The following PTPN4 variants were observed in gnomAD, a reference collection of about 807,000 sequenced individuals.
PTPN4 encodes the protein tyrosine-protein phosphatase non-receptor type 4.
A neutral mutation model predicts 135.5 loss-of-function variants in PTPN4; 49 were observed. The ratio of observed to expected loss-of-function variants is 0.36; its 90% CI spans 0.29 to 0.46. The LOEUF (loss-of-function observed/expected upper bound fraction) is 0.46. Ranked by LOEUF, PTPN4 falls within the 20% of genes least tolerant of loss-of-function variation. The pLI is 1.00. For missense variants in PTPN4, 860 were observed against 1,101.0 expected (o/e 0.78, Z 3.10); for synonymous variants, 333 against 369.9 (o/e 0.90, Z 1.14).
chr2:119,944,150 G>C (rs1482523711), intron 15 of PTPN4, among the ~76,000 whole-genome samples: 2 of 152,172 alleles, frequency 1.3e-5, no homozygotes, highest in African/African-American at 2.4e-5. Flanking sequence ...GCAGCCATGT[G>C]GCTTGACACA....
At chr2:119,831,785 T>C (rs1470805133) in intron 2 of PTPN4, among the ~76,000 whole-genome samples, 1 of 152,230 alleles carries the variant, frequency 6.6e-6, no homozygotes, top group Admixed American at 6.5e-5. Context: ...GGTCATGTTT[T>C]TTATATATAC....
chr2:119,982,309 TTG>T lies in PTPN4; in HGVS notation c.*5245_*5246del, dbSNP rs1679707593. The T allele has an allele frequency of 6.6e-6, 1 of 152,182 alleles. No individual in the cohort carries two copies. Among genetic ancestry groups the T allele is most frequent in the Non-Finnish European group, 1.5e-5 (1 of 68,022 alleles). The allele number at this position is 152,182 out of a possible 1,614,324, so 9.4% of individuals were successfully genotyped here. ...TTGTTTAAAGGAGATAAAATGTTAT[TTG>T]TGTGTCTTTCATGCTGTAAAGAAAA... is the stretch of plus-strand genomic sequence containing the variant. On this transcript the variant is annotated 3_prime_UTR_variant, in exon 27 of 27. Transcript: ENST00000263708.
intron 2 of PTPN4, among the ~76,000 whole-genome samples, chr2:119,829,244 C>T (rs1677186624): frequency 6.6e-6 from 1 of 152,120 alleles, no homozygotes; most frequent in Non-Finnish European, 1.5e-5. Flanking sequence ...ATGTGATTCA[C>T]ATTAAAGTGG....
At chr2:119,823,633 G>A (rs1417560350) in intron 2 of PTPN4, among the ~76,000 whole-genome samples, 2 of 152,162 alleles carry the variant, frequency 1.3e-5, no homozygotes, top group African/African-American at 4.8e-5. Context: ...TGTGGTATCT[G>A]TTATCTCTAG....
intron 22 of PTPN4, among the ~76,000 whole-genome samples, chr2:119,959,546 G>A (rs1469199773): frequency 6.6e-6 from 1 of 152,222 alleles, no homozygotes; most frequent in East Asian, 1.9e-4. Context: ...TTTGAGACCT[G>A]CCTAGGCAAC....
chr2:119,780,057 T>G (rs1355829850), intron 1 of PTPN4, among the ~76,000 whole-genome samples: 1 of 152,104 alleles, frequency 6.6e-6, no homozygotes, highest in Non-Finnish European at 1.5e-5. Context: ...AAATAATTTT[T>G]TTTTTAACTC....
At chr2:119,767,854 A>G (rs1398354729) in intron 1 of PTPN4, among the ~76,000 whole-genome samples, 1 of 152,188 alleles carries the variant, frequency 6.6e-6, no homozygotes, top group Non-Finnish European at 1.5e-5. Context: ...CACCTGTTAA[A>G]TTCAAGTCTG....
intron 2 of PTPN4, among the ~76,000 whole-genome samples, chr2:119,852,205 T>G (rs1677602481): frequency 2.0e-5 from 3 of 152,236 alleles, no homozygotes; most frequent in Admixed American, 2.0e-4. Context: ...TCCTTCTTTT[T>G]TCCGCTTCTC....
At position 119,967,909 on chromosome 2, in the gene PTPN4, A is replaced by G; in HGVS notation, c.2631A>G (p.Pro877=). Reference sequence around the variant, plus strand: ...TGTGTCTCATTGAATGCAATCAGCCAGTTTATCCACTAGATATTGTAAGAA... The same window carrying G: ...TGTGTCTCATTGAATGCAATCAGCCGGTTTATCCACTAGATATTGTAAGAA... The part of the protein sequence containing the change: ...TAMCLIECNQ[P]VYPLDIVRTM... Residue 877 remains proline (P), a synonymous_variant, in exon 26 of 27, where the codon CCA becomes CCG. Coordinates refer to ENST00000263708, the MANE Select transcript of PTPN4 (RefSeq NM_002830.4). 6.2e-7 allele frequency: 1 copy of G among 1,611,510 alleles called. No individual in the cohort carries two copies. Among genetic ancestry groups the G allele is most frequent in the South Asian group, 1.1e-5 (1 of 90,766 alleles).
intron 2 of PTPN4, among the ~76,000 whole-genome samples, chr2:119,836,374 T>C (rs976191737): frequency 6.6e-6 from 1 of 152,164 alleles, no homozygotes; most frequent in Non-Finnish European, 1.5e-5. Flanking sequence ...TAGTTTAGGG[T>C]TGATGAAACT....
intron 9 of PTPN4, among the ~76,000 whole-genome samples, chr2:119,890,787 A>G (rs898529352): frequency 3.3e-5 from 5 of 152,218 alleles, no homozygotes; most frequent in Non-Finnish European, 5.9e-5. Flanking sequence ...CTAGTGGTAT[A>G]GAATTCCCAC....
intron 11 of PTPN4, 40 bp downstream of exon 11, chr2:119,915,282 T>C: frequency 6.9e-7 from 1 of 1,444,994 alleles, no homozygotes; most frequent in Middle Eastern, 1.8e-4. Flanking sequence ...AAATGAAGCC[T>C]TTTAAGAAAT....
At chr2:119,795,223 G>C (rs994306660) in intron 1 of PTPN4, among the ~76,000 whole-genome samples, 1 of 152,134 alleles carries the variant, frequency 6.6e-6, no homozygotes, top group African/African-American at 2.4e-5. Flanking sequence ...GACTGGAAAA[G>C]GCACCACAAG....
intron 9 of PTPN4, among the ~76,000 whole-genome samples, chr2:119,891,389 C>G (rs1488660451): frequency 6.6e-6 from 1 of 152,124 alleles, no homozygotes; most frequent in East Asian, 1.9e-4. Context: ...GTCGTGTGAT[C>G]TCAGGTCACT....
intron 2 of PTPN4, among the ~76,000 whole-genome samples, chr2:119,856,690 A>G (rs1013802296): frequency 1.3e-5 from 2 of 152,194 alleles, no homozygotes; most frequent in Non-Finnish European, 2.9e-5. Context: ...CATATTACTA[A>G]GTCTGATAAG....
intron 16 of PTPN4, 75 bp from the exon 17 acceptor site, chr2:119,946,266 A>G (rs2289581): frequency 0.73 from 832,723 of 1,147,606 alleles, 302,975 homozygotes; most frequent in East Asian, 0.83. Context: ...CATACAAAAA[A>G]TATGCTTCCT....
chr2:119,955,360 G>A, intron 20 of PTPN4, 37 bp downstream of exon 20: 1 of 1,470,164 alleles, frequency 6.8e-7, no homozygotes, highest in Non-Finnish European at 9.1e-7. Flanking sequence ...GCATTTTGCT[G>A]ATATTTGCTA....
At chr2:119,951,530 G>A (rs1446474910) in intron 18 of PTPN4, among the ~76,000 whole-genome samples, 1 of 152,168 alleles carries the variant, frequency 6.6e-6, no homozygotes, top group Non-Finnish European at 1.5e-5. Flanking sequence ...CACTGATGAT[G>A]ATGTGTGTCT....
intron 2 of PTPN4, among the ~76,000 whole-genome samples, chr2:119,823,735 G>A (rs994658666): frequency 1.6e-4 from 25 of 152,206 alleles, no homozygotes; most frequent in Non-Finnish European, 1.5e-5. Context: ...CTGAGAGAGA[G>A]AGGCTGTATT....
Sources: gnomAD v4.1 joint callset for allele counts (sites outside exome capture counted in the v4.1 genomes callset) on GRCh38, gnomAD v4.1.1 for gene constraint, MANE v1.5 for transcripts, NCBI Gene and HGNC (gene_info 2026-07-23, HGNC 2026-07-21) for gene names.